Variants in ERLIN2 observed in about 807,000 individuals in gnomAD.
ERLIN2 encodes erlin-2.
Under a neutral mutation model 41.5 loss-of-function variants are expected in ERLIN2, and 22 were observed. The ratio of observed to expected loss-of-function variants is 0.53; its 90% CI spans 0.38 to 0.76. The LOEUF (loss-of-function observed/expected upper bound fraction) is 0.76. ERLIN2 is among the 30% of genes least tolerant of loss of function. ERLIN2 has a pLI of 0.00. For synonymous variants in ERLIN2, 149 were observed against 150.9 expected (o/e 0.99, Z 0.09); for missense variants, 247 against 414.3 (o/e 0.60, Z 3.51).
In ERLIN2 at chr8:37,753,446, T is replaced by G; in HGVS notation, c.740-4T>G. ...CCAAGTTCACTGCACTCCTTCCCCC[T>G]CAGATGCTGCATTTCTGGCCCGGGA... On this transcript the variant is annotated splice_polypyrimidine_tract_variant and splice_region_variant and intron_variant, in intron 10 of 11. Coordinates refer to ENST00000519638, the MANE Select transcript of ERLIN2 (RefSeq NM_007175.8). The G allele has an allele frequency of 6.2e-7, 1 of 1,613,506 alleles. No homozygotes were observed. The highest frequency in any genetic ancestry group is 8.5e-7 in the Non-Finnish European group (1 of 1,179,488).
At chr8:37,749,519 G>A (rs778383695) in intron 6 of ERLIN2, 40 bp from the exon 7 acceptor site, 1 of 1,431,040 alleles carries the variant, frequency 7.0e-7, no homozygotes, top group South Asian at 1.1e-5. Context: ...CATCTAGAAA[G>A]TGTAACAACT....
chr8:37,746,261 A>G, intron 6 of ERLIN2: 1 of 985,542 alleles, frequency 1.0e-6, no homozygotes. Flanking sequence ...CAGACTTTAA[A>G]CATGAAGCTG....
rs369392352 is a variant in ERLIN2 at position 37,749,782 on chromosome 8, A to G, written c.499-12A>G. The G allele has an allele frequency of 6.2e-7, 1 of 1,613,716 alleles. No homozygotes were observed. The highest frequency in any genetic ancestry group is 1.1e-5 in the South Asian group (1 of 91,076). Reference sequence around the variant, plus strand: ...CACTTTCCCATCAGCTGCTGTTTTAATCTCTCTCCAGGCTGTGCGGGTAAC... The same window carrying G: ...CACTTTCCCATCAGCTGCTGTTTTAGTCTCTCTCCAGGCTGTGCGGGTAAC... On this transcript the variant is annotated splice_polypyrimidine_tract_variant and intron_variant, in intron 7 of 11. Transcript: ENST00000519638.
chr8:37,747,821 C>A, intron 6 of ERLIN2: 4 of 1,614,194 alleles, frequency 2.5e-6, no homozygotes, highest in Non-Finnish European at 3.4e-6. Flanking sequence ...GCATGTTTGG[C>A]AGCATCAATC....
chr8:37,749,062 G>A (rs558120717), intron 6 of ERLIN2, among the ~76,000 whole-genome samples: 1 of 152,264 alleles, frequency 6.6e-6, no homozygotes, highest in East Asian at 1.9e-4. Flanking sequence ...TCTCCTTGAC[G>A]TCAAAGTCTG....
chr8:37,752,875 G>C (rs1037952431), intron 10 of ERLIN2, among the ~76,000 whole-genome samples: 1 of 152,234 alleles, frequency 6.6e-6, no homozygotes, highest in African/African-American at 2.4e-5. Flanking sequence ...CTTAATCACT[G>C]TTAATTAGGA....
chr8:37,751,125 G>A (rs908024827), intron 9 of ERLIN2, among the ~76,000 whole-genome samples: 2 of 152,216 alleles, frequency 1.3e-5, no homozygotes, highest in African/African-American at 2.4e-5. Flanking sequence ...CACAACCACT[G>A]TGGAGGTAGG....
Position 37,754,640 on chromosome 8 carries a change from T to G in ERLIN2, c.*525T>G. On this transcript the variant is annotated 3_prime_UTR_variant, in exon 12 of 12. Transcript: ENST00000519638. ...CCTTCCTGGCATTCTTGTCTGCATG[T>G]GTGTGAGTTATTTTAGAGGTGTGCT... 5.1e-6 allele frequency: 1 copy of G among 195,196 alleles called. No individual in the cohort carries two copies. The highest frequency in any genetic ancestry group is 1.1e-5 in the Non-Finnish European group (1 of 93,154). The allele number at this position is 195,196 out of a possible 1,614,324, so 12.1% of individuals were successfully genotyped here.
At chr8:37,753,276 A>G (rs901451167) in intron 10 of ERLIN2, among the ~76,000 whole-genome samples, 174 bp from the exon 11 acceptor site, 9 of 152,238 alleles carry the variant, frequency 5.9e-5, no homozygotes, top group Non-Finnish European at 1.0e-4. Flanking sequence ...AACTTGTACA[A>G]TAGGGGAAAA....
rs1432855584 is a variant in ERLIN2, at chr8:37,754,194, C to T, written c.*79C>T. The stretch of plus-strand genomic sequence containing the variant: ...ATGAATCAGAATGTTCCTCCCTCCC[C>T]GACTACCTTCTCTGACTGTCTTCCA... On this transcript the variant is annotated 3_prime_UTR_variant, in exon 12 of 12. Coordinates refer to ENST00000519638, the MANE Select transcript of ERLIN2 (RefSeq NM_007175.8). 1.4e-5 allele frequency: 14 copies of T among 1,019,984 alleles called. No homozygotes were observed. Among genetic ancestry groups the T allele is most frequent in the East Asian group, 2.6e-5 (1 of 38,722 alleles). The allele number at this position is 1,019,984 out of a possible 1,614,324, so 63.2% of individuals were successfully genotyped here. A position where few individuals can be genotyped will look rare whatever the true frequency, so the allele number is the denominator to read the frequency against.
At chr8:37,751,860 C>A in intron 10 of ERLIN2, 145 bp downstream of exon 10, 1 of 722,366 alleles carries the variant, frequency 1.4e-6, no homozygotes, top group Non-Finnish European at 2.5e-6. Flanking sequence ...CATGTGGAGA[C>A]TTGAGTTTTG....
At chr8:37,753,395 G>A (rs1316728061) in intron 10 of ERLIN2, 55 bp from the exon 11 acceptor site, 35 of 1,477,006 alleles carry the variant, frequency 2.4e-5, no homozygotes, top group Non-Finnish European at 3.2e-5. Context: ...TGCACTTCCT[G>A]CAAAGAACTC....
intron 1 of ERLIN2, 70 bp downstream of exon 1, chr8:37,736,748 A>T (rs1044817024): frequency 1.7e-5 from 17 of 985,504 alleles, no homozygotes; most frequent in Non-Finnish European, 1.9e-5. Context: ...CTGACCCGTC[A>T]CTTTCGGGAA....
chr8:37,753,595 T>G (rs1444793770), intron 11 of ERLIN2, 66 bp downstream of exon 11: 2 of 1,463,068 alleles, frequency 1.4e-6, no homozygotes, highest in African/African-American at 1.4e-5. Context: ...CAGGAGAGTT[T>G]CCAGTGTTGA....
At chr8:37,736,897 G>T (rs1190989213) in intron 1 of ERLIN2, 37 of 985,952 alleles carry the variant, frequency 3.8e-5, no homozygotes, top group Non-Finnish European at 4.3e-5. Context: ...AGACCAGGGC[G>T]CTTGACCCTC....
chr8:37,753,616 C>T, intron 11 of ERLIN2, 87 bp downstream of exon 11: 1 of 1,187,342 alleles, frequency 8.4e-7, no homozygotes, highest in Non-Finnish European at 1.2e-6. Context: ...GCGCCTGCCA[C>T]CACCCAAAGC....
At position 37,757,830 on chromosome 8, in the gene ERLIN2, G is replaced by A. The variant is rs992170631; in HGVS notation, c.*3715G>A. ...AATTTGTGAACGTGGCATAATTCTTGGTAGGTGCTATAGAGATTTATCATT... is the reference window on the plus strand; with the variant it reads ...AATTTGTGAACGTGGCATAATTCTTAGTAGGTGCTATAGAGATTTATCATT... On this transcript the variant is annotated 3_prime_UTR_variant, in exon 12 of 12. Transcript: ENST00000519638. 1.2e-4 allele frequency: 18 copies of A among 152,294 alleles called. No individual in the cohort carries two copies. The highest frequency in any genetic ancestry group is 6.5e-4 in the Admixed American group (10 of 15,306). The allele number at this position is 152,294 out of a possible 1,614,324, so 9.4% of individuals were successfully genotyped here.
Position 37,740,014 on chromosome 8 carries a change from A to C in ERLIN2, c.108-351A>C, listed in dbSNP as rs796157839. Among the ~76,000 whole-genome samples, 6 of 152,094 alleles carry C rather than the reference A, an allele frequency of 3.9e-5. 1 individual carries two copies. Among genetic ancestry groups the C allele is most frequent in the African/African-American group, 1.4e-4 (6 of 41,474 alleles). The stretch of plus-strand genomic sequence containing the variant: ...TTTTTTGTAGAGACAGGGTCTCACT[A>C]TTTGAGACAGGTTGGTCTCAAACTC... On this transcript the variant is annotated intron_variant, in intron 2 of 11. Coordinates refer to ENST00000519638, the MANE Select transcript of ERLIN2 (RefSeq NM_007175.8).
At position 37,754,486 on chromosome 8, in the gene ERLIN2, G is replaced by A. The variant is rs1224033075; in HGVS notation, c.*371G>A. ...TTTGATTTCCCTTACTTGGGAAAAT[G>A]CAGTCCAGTGTTCTCACCTCTGCCT... On this transcript the variant is annotated 3_prime_UTR_variant, in exon 12 of 12. Transcript: ENST00000519638. 1.2e-5 allele frequency: 4 copies of A among 337,098 alleles called. No homozygotes were observed. The highest frequency in any genetic ancestry group is 6.4e-5 in the African/African-American group (3 of 46,658). The allele number at this position is 337,098 out of a possible 1,614,324, so 20.9% of individuals were successfully genotyped here.
Sources: allele counts gnomAD v4.1 joint callset (sites outside exome capture counted in the v4.1 genomes callset), GRCh38; gene constraint gnomAD v4.1.1; transcripts MANE v1.5; gene names NCBI Gene and HGNC (gene_info 2026-07-23, HGNC 2026-07-21).